TRPM6: variants seen among roughly 807,000 people sequenced by gnomAD.
The protein encoded by TRPM6 is channel kinase 2.
Under a neutral mutation model 247.6 loss-of-function variants are expected in TRPM6, and 111 were observed. That is an observed-to-expected ratio of 0.45 (90% CI 0.38 to 0.52). TRPM6 has a LOEUF of 0.52. Among genes scored for constraint, TRPM6 ranks in the 20% least tolerant of loss-of-function variants. The pLI is 0.00. For synonymous variants in TRPM6, 892 were observed against 853.8 expected (o/e 1.04, Z -0.78); for missense variants, 2,126 against 2,421.5 (o/e 0.88, Z 2.56).
chr9:74,855,685 A>G, intron 2 of TRPM6, 120 bp from the exon 3 acceptor site: 3 of 751,022 alleles, frequency 4.0e-6, no homozygotes, highest in Non-Finnish European at 4.8e-6. Context: ...GCTGAAATTC[A>G]TATATCATGT....
chr9:74,838,998 T>G (rs190264057), intron 5 of TRPM6, among the ~76,000 whole-genome samples: 1 of 151,392 alleles, frequency 6.6e-6, no homozygotes, highest in South Asian at 2.1e-4. Context: ...TAATCCCAGC[T>G]ACTTGGGAGG....
chr9:74,839,373 T>C (rs2118181482), intron 5 of TRPM6, among the ~76,000 whole-genome samples: 1 of 152,260 alleles, frequency 6.6e-6, no homozygotes, highest in East Asian at 1.9e-4. Flanking sequence ...GAATTTCAGA[T>C]TTTAAGAAGT....
chr9:74,730,908 C>CAG (rs1385028965), intron 37 of TRPM6, among the ~76,000 whole-genome samples: 1 of 152,144 alleles, frequency 6.6e-6, no homozygotes, highest in Non-Finnish European at 1.5e-5. Flanking sequence ...TATCAGTTTC[C>CAG]AGAGTTCCTA....
At chr9:74,758,046 TAAAC>T (rs921302950) in intron 27 of TRPM6, among the ~76,000 whole-genome samples, 7 of 152,114 alleles carry the variant, frequency 4.6e-5, no homozygotes, top group Admixed American at 1.3e-4. Flanking sequence ...TTAAACAACT[TAAAC>T]AAAATGAATA....
At position 74,796,722 on chromosome 9, in the gene TRPM6, A is replaced by G. The variant is rs778263369; in HGVS notation, c.2391+19T>C. The stretch of plus-strand genomic sequence containing the variant: ...AGTCAATACAATGAAAATTCAGTTC[A>G]TTATGATTTTGCACTAACCACAGAA... On this transcript the variant is annotated intron_variant, in intron 18 of 38. Coordinates refer to ENST00000360774, the MANE Select transcript of TRPM6 (RefSeq NM_017662.5). 2.5e-6 allele frequency: 4 copies of G among 1,613,478 alleles called. No homozygotes were observed. The highest frequency in any genetic ancestry group is 1.1e-5 in the South Asian group (1 of 91,066).
At chr9:74,727,538 C>T (rs369613026) in intron 38 of TRPM6, among the ~76,000 whole-genome samples, 5 of 152,118 alleles carry the variant, frequency 3.3e-5, no homozygotes, top group African/African-American at 9.6e-5. Flanking sequence ...GCTTAAGATA[C>T]GTGAAATCCC....
intron 30 of TRPM6, among the ~76,000 whole-genome samples, chr9:74,748,781 T>C (rs540585051): frequency 6.6e-6 from 1 of 152,320 alleles, no homozygotes; most frequent in Admixed American, 6.5e-5. Flanking sequence ...ACGGTAAAGC[T>C]AAGGTTAATT....
rs73532447 is a variant in TRPM6 at position 74,763,276 on chromosome 9, C to T, written c.3537-142G>A. On this transcript the variant is annotated intron_variant, in intron 25 of 38. Transcript: ENST00000360774. The stretch of plus-strand genomic sequence containing the variant: ...TAAGTCTGTCTTTTGCCTTCTTCTT[C>T]GCCCAATACATAACTCTCAACTCAG... 4,017 of 792,264 alleles carry T rather than the reference C, an allele frequency of 5.1e-3. 110 individuals carry two copies. The African/African-American group carries it at 0.061, about 12-fold the overall frequency. 49.1% of individuals were successfully genotyped at this position (792,264 alleles called of 1,614,324 possible).
chr9:74,871,843 C>T (rs1255494344), intron 1 of TRPM6, among the ~76,000 whole-genome samples: 1 of 151,554 alleles, frequency 6.6e-6, no homozygotes. Flanking sequence ...CCATACCCAA[C>T]TCAGTAGTAA....
Position 74,789,582 on chromosome 9 carries a change from A to C in TRPM6, c.2539-840T>G, listed in dbSNP as rs551928413. On this transcript the variant is annotated intron_variant, in intron 19 of 38. Transcript: ENST00000360774. ...CAGAAGGGCTTTACCAAATTACACT[A>C]TTATCAACAATGTATGAGACTGCAG... Among the ~76,000 whole-genome samples, 9 of 152,332 alleles carry C rather than the reference A, an allele frequency of 5.9e-5. No homozygotes were observed. In the South Asian group the frequency reaches 1.9e-3, roughly 32 times the overall value.
intron 24 of TRPM6, among the ~76,000 whole-genome samples, chr9:74,773,319 C>T (rs1339179226): frequency 6.6e-6 from 1 of 152,118 alleles, no homozygotes; most frequent in Non-Finnish European, 1.5e-5. Flanking sequence ...GAAATTAATC[C>T]AGTAAGTATA....
At chr9:74,767,169 G>C (rs1335019400) in intron 25 of TRPM6, among the ~76,000 whole-genome samples, 1 of 152,114 alleles carries the variant, frequency 6.6e-6, no homozygotes, top group African/African-American at 2.4e-5. Context: ...AATAGTGGTG[G>C]GACCTGCTTA....
At chr9:74,780,842 A>G (rs919908959) in intron 23 of TRPM6, among the ~76,000 whole-genome samples, 1 of 152,204 alleles carries the variant, frequency 6.6e-6, no homozygotes, top group Non-Finnish European at 1.5e-5. Flanking sequence ...AAGAAGGACT[A>G]CTTAGTTTTT....
chr9:74,762,083 G>A lies in TRPM6; in HGVS notation c.4588C>T (p.Leu1530Phe). 6.2e-7 allele frequency: 1 copy of A among 1,614,200 alleles called. No homozygotes were observed. Among genetic ancestry groups the A allele is most frequent in the Non-Finnish European group, 8.5e-7 (1 of 1,180,036 alleles). Residue 1530 changes from leucine (L) to phenylalanine (F), a missense_variant, in exon 26 of 39, where the codon CTC (leucine) becomes TTC (phenylalanine). Physicochemically the swap from Leu to Phe is conservative, Grantham distance 22. This residue lies in a region of TRPM6 where 717 missense variants were observed against 715.9 expected (regional missense o/e 1.00). Coordinates refer to ENST00000360774, the MANE Select transcript of TRPM6 (RefSeq NM_017662.5). ...QPNTSFWINP[L>F]RRYRPFARSH... ...CTAGCGAAGGGCCTGTATCTGCGGA[G>A]AGGATTGATCCAAAAGGATGTGTTT...
intron 19 of TRPM6, among the ~76,000 whole-genome samples, chr9:74,789,457 A>T (rs143268893): frequency 1.3e-5 from 2 of 152,340 alleles, no homozygotes; most frequent in African/African-American, 4.8e-5. Flanking sequence ...TAGCTTTGTA[A>T]TCTTACCTAA....
At chr9:74,853,008 G>A (rs1243892278) in intron 3 of TRPM6, among the ~76,000 whole-genome samples, 3 of 152,060 alleles carry the variant, frequency 2.0e-5, no homozygotes, top group Non-Finnish European at 4.4e-5. Context: ...GAAGTGAGGA[G>A]CGTCTCTGCC....
intron 1 of TRPM6, among the ~76,000 whole-genome samples, chr9:74,867,699 G>T (rs1027056256): frequency 6.6e-6 from 1 of 152,180 alleles, no homozygotes; most frequent in Non-Finnish European, 1.5e-5. Flanking sequence ...ACCTTGGGAA[G>T]CTTGCGAAGT....
At chr9:74,857,596 G>A (rs1161065960) in intron 2 of TRPM6, 1 of 152,092 alleles carries the variant, frequency 6.6e-6, no homozygotes, top group Non-Finnish European at 1.5e-5. Flanking sequence ...AGCTTCCAAA[G>A]CATTGTCAAG....
chr9:74,751,920 T>C (rs1449082676), intron 29 of TRPM6, among the ~76,000 whole-genome samples: 1 of 152,220 alleles, frequency 6.6e-6, no homozygotes, highest in Non-Finnish European at 1.5e-5. Flanking sequence ...ATTCTAGATC[T>C]ACCTCTTAAA....
Sources: gnomAD v4.1 joint callset for allele counts (sites outside exome capture counted in the v4.1 genomes callset) on GRCh38, gnomAD v4.1.1 for gene constraint, gnomAD v4.1.1 regional missense constraint, MANE v1.5 for transcripts, NCBI Gene and HGNC (gene_info 2026-07-23, HGNC 2026-07-21) for gene names.